The following SHISA9 variants were observed in gnomAD, a reference collection of about 807,000 sequenced individuals.
The protein encoded by SHISA9 is protein shisa-9.
A neutral mutation model predicts 38.0 loss-of-function variants in SHISA9; 13 were observed. That is an observed-to-expected ratio of 0.34 (90% CI 0.22 to 0.54). The LOEUF (loss-of-function observed/expected upper bound fraction) is 0.54. Among genes scored for constraint, SHISA9 ranks in the 20% least tolerant of loss-of-function variants. The probability of loss-of-function intolerance (pLI) is 0.91; values close to 1 mark genes in which losing one functional copy is unlikely to be tolerated. For missense variants in SHISA9, 538 were observed against 575.8 expected (o/e 0.93, Z 0.67); for synonymous variants, 275 against 242.0 (o/e 1.14, Z -1.27).
the SHISA9 span, among the ~76,000 whole-genome samples, chr16:13,348,382 C>T: frequency 6.6e-6 from 1 of 152,010 alleles, no homozygotes; most frequent in Non-Finnish European, 1.5e-5. Flanking sequence ...ATTACAGAGG[C>T]TCAACCTATA....
At chr16:13,377,968 G>C in the SHISA9 span, among the ~76,000 whole-genome samples, 1 of 152,206 alleles carries the variant, frequency 6.6e-6, no homozygotes, top group African/African-American at 2.4e-5. Context: ...GGAAGGCGGA[G>C]GTGGCAGTGA....
the SHISA9 span, among the ~76,000 whole-genome samples, chr16:13,316,556 C>A: frequency 6.6e-6 from 1 of 152,140 alleles, no homozygotes; most frequent in Non-Finnish European, 1.5e-5. Context: ...TAAGCCAGTA[C>A]CATGTTCCAG....
chr16:13,557,847 C>T, the SHISA9 span, among the ~76,000 whole-genome samples: 1 of 152,124 alleles, frequency 6.6e-6, no homozygotes. Flanking sequence ...TCACTCCTCT[C>T]CAGCCACCGC....
At chr16:13,337,974 T>C in the SHISA9 span, among the ~76,000 whole-genome samples, 1 of 152,206 alleles carries the variant, frequency 6.6e-6, no homozygotes, top group Non-Finnish European at 1.5e-5. Flanking sequence ...ATTAAACCTC[T>C]TTTCTTCATA....
At chr16:13,252,093 C>CA in the SHISA9 span, among the ~76,000 whole-genome samples, 1 of 152,160 alleles carries the variant, frequency 6.6e-6, no homozygotes. Context: ...CATGTAAAGT[C>CA]AAAATCCTTA....
intron 2 of SHISA9, among the ~76,000 whole-genome samples, chr16:13,132,412 C>A (rs753847909): frequency 2.0e-5 from 3 of 152,160 alleles, no homozygotes; most frequent in Non-Finnish European, 4.4e-5. Context: ...TGCTTTTAAA[C>A]TTCAATGCCT....
chr16:13,250,050 A>C, the SHISA9 span, among the ~76,000 whole-genome samples: 10 of 152,100 alleles, frequency 6.6e-5, no homozygotes, highest in African/African-American at 1.9e-4. Context: ...CTGCATTTCT[A>C]TCTTGCATTC....
At chr16:12,920,374 AG>A (rs36022818) in intron 2 of SHISA9, among the ~76,000 whole-genome samples, 34,639 of 152,174 alleles carry the variant, frequency 0.23, 4,849 homozygotes, top group Non-Finnish European at 0.31. Context: ...AAATATTTAC[AG>A]CAGAAAGGTT....
the SHISA9 span, chr16:13,331,842 C>A: frequency 6.6e-6 from 1 of 152,094 alleles, no homozygotes; most frequent in Non-Finnish European, 1.5e-5. Flanking sequence ...TAATACTTAC[C>A]CCATGTTGGG....
At chr16:13,226,208 T>C (rs1011085157) in intron 4 of SHISA9, among the ~76,000 whole-genome samples, 1 of 152,218 alleles carries the variant, frequency 6.6e-6, no homozygotes, top group East Asian at 1.9e-4. Flanking sequence ...AGAAACATTA[T>C]GAAAACAGGT....
the SHISA9 span, among the ~76,000 whole-genome samples, chr16:13,383,674 A>C: frequency 6.6e-6 from 1 of 152,130 alleles, no homozygotes; most frequent in African/African-American, 2.4e-5. Context: ...ATTTTGAGAC[A>C]GAGTCTTGCT....
chr16:12,966,750 T>C lies in SHISA9; in HGVS notation c.691+49935T>C, dbSNP rs866343583. Among the ~76,000 whole-genome samples the C allele has an allele frequency of 5.3e-5, 8 of 152,126 alleles. No individual in the cohort carries two copies. In the South Asian group the frequency reaches 1.7e-3, roughly 32 times the overall value. On this transcript the variant is annotated intron_variant, in intron 2 of 4. Transcript: ENST00000558583. Reference sequence around the variant, plus strand: ...TGGCACAGAGTAAGTGCTAAGAAAATTTACTGAGTAAATGAATGAAAAGAA... The same window carrying C: ...TGGCACAGAGTAAGTGCTAAGAAAACTTACTGAGTAAATGAATGAAAAGAA...
At chr16:13,339,165 C>CTTTTTTTTTT in the SHISA9 span, among the ~76,000 whole-genome samples, 5 of 132,856 alleles carry the variant, frequency 3.8e-5, 2 homozygotes, top group Non-Finnish European at 4.7e-5. Flanking sequence ...CTTATTGTGA[C>CTTTTTTTTTT]TTTTTTTTTT....
the SHISA9 span, among the ~76,000 whole-genome samples, chr16:13,483,681 A>G: frequency 6.6e-6 from 1 of 151,890 alleles, no homozygotes; most frequent in East Asian, 1.9e-4. Flanking sequence ...CCATCCCCAG[A>G]GAGAGTCCTG....
chr16:13,481,839 A>T, the SHISA9 span, among the ~76,000 whole-genome samples: 4 of 152,238 alleles, frequency 2.6e-5, no homozygotes, highest in Admixed American at 6.5e-5. Context: ...ATGAAATTGA[A>T]TTTCAAAATT....
chr16:13,135,540 G>A (rs2050341385), intron 2 of SHISA9, among the ~76,000 whole-genome samples: 1 of 152,158 alleles, frequency 6.6e-6, no homozygotes. Flanking sequence ...CTCCTTGCTG[G>A]GTTGTCCCAT....
At chr16:13,531,895 G>A in the SHISA9 span, among the ~76,000 whole-genome samples, 2 of 152,176 alleles carry the variant, frequency 1.3e-5, no homozygotes, top group African/African-American at 4.8e-5. Context: ...CAGTACTCGA[G>A]CACTTTCATA....
chr16:12,952,265 A>T (rs1238570693), intron 2 of SHISA9, among the ~76,000 whole-genome samples: 2 of 152,132 alleles, frequency 1.3e-5, no homozygotes, highest in Non-Finnish European at 2.9e-5. Context: ...ACTTTCTGTG[A>T]CCTGTTTAGG....
chr16:13,046,721 T>A (rs2073192466), intron 2 of SHISA9, among the ~76,000 whole-genome samples: 1 of 152,238 alleles, frequency 6.6e-6, no homozygotes, highest in Non-Finnish European at 1.5e-5. Context: ...GACTTCTCGC[T>A]TCTCTCCTCT....
Sources: allele counts gnomAD v4.1 joint callset (sites outside exome capture counted in the v4.1 genomes callset), GRCh38; gene constraint gnomAD v4.1.1; transcripts MANE v1.5; gene names NCBI Gene and HGNC (gene_info 2026-07-23, HGNC 2026-07-21).